The following MICAL3 variants were observed in gnomAD, a reference collection of about 807,000 sequenced individuals.
MICAL3 encodes microtubule associated monooxygenase, calponin and LIM domain containing 3.
In MICAL3, 62 loss-of-function variants were observed where a neutral mutation model predicts 207.4. That is an observed-to-expected ratio of 0.30 (90% confidence interval 0.24 to 0.37). The LOEUF is 0.37. Among genes scored for constraint, MICAL3 ranks in the 10% least tolerant of loss-of-function variants. MICAL3 has a pLI of 1.00. For missense variants in MICAL3, 2,368 were observed against 2,635.6 expected (o/e 0.90, Z 2.22); for synonymous variants, 1,077 against 1,069.3 (o/e 1.01, Z -0.14).
intron 16 of MICAL3, chr22:17,876,940 AGGTT>A: frequency 2.4e-5 from 3 of 125,926 alleles, no homozygotes; most frequent in African/African-American, 3.6e-5. Flanking sequence ...GAGGTTAGGG[AGGTT>A]ATGGAGGTTA....
At chr22:17,918,006 G>A (rs935971514) in intron 1 of MICAL3, among the ~76,000 whole-genome samples, 14 of 152,174 alleles carry the variant, frequency 9.2e-5, no homozygotes, top group Admixed American at 6.5e-5. Context: ...CCGCCCACCC[G>A]GATACACCTG....
chr22:17,975,264 G>A (rs1271836711), intron 1 of MICAL3, among the ~76,000 whole-genome samples: 1 of 152,098 alleles, frequency 6.6e-6, no homozygotes, highest in African/African-American at 2.4e-5. Flanking sequence ...GCTCTACTCA[G>A]AATGGGAACA....
chr22:17,982,645 T>C lies in MICAL3; in HGVS notation c.-75+41636A>G, dbSNP rs191327480. Among the ~76,000 whole-genome samples, 11 of 147,734 alleles carry C rather than the reference T, an allele frequency of 7.4e-5. No individual in the cohort carries two copies. The East Asian group carries it at 1.4e-3, about 19-fold the overall frequency. On this transcript the variant is annotated intron_variant, in intron 1 of 31. Coordinates refer to ENST00000441493, the MANE Select transcript of MICAL3 (RefSeq NM_015241.3). Reference sequence around the variant, plus strand: ...AAGATTGTACCACTGTACTCCAGCCTGGGCGACAGAGTAAGACTTCATCTC... The same window carrying C: ...AAGATTGTACCACTGTACTCCAGCCCGGGCGACAGAGTAAGACTTCATCTC...
intron 1 of MICAL3, among the ~76,000 whole-genome samples, chr22:17,933,571 C>T (rs1053721553): frequency 6.6e-6 from 1 of 151,970 alleles, no homozygotes; most frequent in Non-Finnish European, 1.5e-5. Flanking sequence ...ACTAGAGAAG[C>T]AAGAGCAAAC....
In MICAL3 at chr22:17,871,894, A is replaced by G. The variant is rs1313259341; in HGVS notation, c.2371T>C (p.Cys791Arg). The change falls in exon 17 of 32, where the codon TGC becomes CGC. Residue 791 changes from cysteine (C) to arginine (R), a missense_variant. By Grantham distance (180) the Cys-to-Arg change is radical. Coordinates refer to ENST00000441493, the MANE Select transcript of MICAL3 (RefSeq NM_015241.3). ...CGCAGGGTGGTGGCGCAGTACTCGC[A>G]CTTGAAGCAGCTCCGGTGGAAGAAC... Reference protein sequence around the residue: ...GKFFHRSCFKCEYCATTLRLS... With the variant: ...GKFFHRSCFKREYCATTLRLS... 2 of 1,611,654 alleles carry G rather than the reference A, an allele frequency of 1.2e-6. No individual in the cohort carries two copies. Among genetic ancestry groups the G allele is most frequent in the Non-Finnish European group, 1.7e-6 (2 of 1,179,046 alleles).
chr22:17,964,627 G>C (rs1436857256), intron 1 of MICAL3, among the ~76,000 whole-genome samples: 1 of 152,120 alleles, frequency 6.6e-6, no homozygotes, highest in Non-Finnish European at 1.5e-5. Context: ...CTCCACACTA[G>C]AACCCTCTGA....
At chr22:17,918,042 T>C (rs1423139764) in intron 1 of MICAL3, among the ~76,000 whole-genome samples, 2 of 152,336 alleles carry the variant, frequency 1.3e-5, no homozygotes, top group African/African-American at 4.8e-5. Flanking sequence ...CAATCAGGAA[T>C]TGGTAAACTG....
At chr22:17,930,872 T>A (rs1933216465) in intron 1 of MICAL3, among the ~76,000 whole-genome samples, 1 of 152,206 alleles carries the variant, frequency 6.6e-6, no homozygotes, top group South Asian at 2.1e-4. Flanking sequence ...TGCGGCCAGC[T>A]CCTCTTCCTC....
At chr22:17,840,673 G>A (rs1462326964) in intron 20 of MICAL3, 1 of 152,254 alleles carries the variant, frequency 6.6e-6, no homozygotes, top group African/African-American at 2.4e-5. Flanking sequence ...TTATAAATGT[G>A]TTTTGACACA....
intron 2 of MICAL3, among the ~76,000 whole-genome samples, 174 bp from the exon 3 acceptor site, chr22:17,905,013 G>A (rs550270633): frequency 1.3e-5 from 2 of 152,340 alleles, no homozygotes; most frequent in African/African-American, 4.8e-5. Flanking sequence ...CATGGCTTAA[G>A]AGAAGAGCTA....
intron 13 of MICAL3, 89 bp downstream of exon 13, chr22:17,888,945 A>G: frequency 1.2e-6 from 1 of 837,222 alleles, no homozygotes; most frequent in Non-Finnish European, 1.8e-6. Context: ...GTTTGGTGGC[A>G]CTGCTGCGGG....
intron 1 of MICAL3, among the ~76,000 whole-genome samples, chr22:17,973,785 G>A (rs540259390): frequency 1.8e-4 from 27 of 152,226 alleles, no homozygotes; most frequent in African/African-American, 6.0e-4. Flanking sequence ...GCCAGGCATG[G>A]TGGCACGCAC....
chr22:17,831,979 C>T lies in MICAL3; in HGVS notation c.2930G>A (p.Ser977Asn), dbSNP rs1442093113. 2 of 1,601,234 alleles carry T rather than the reference C, an allele frequency of 1.2e-6. No homozygotes were observed. Among genetic ancestry groups the T allele is most frequent in the South Asian group, 1.1e-5 (1 of 88,540 alleles). The change falls in exon 21 of 32, where the codon AGT becomes AAT. Residue 977 changes from serine (S) to asparagine (N), a missense_variant. This residue lies in a region of MICAL3 where 1,770 missense variants were observed against 1,863.2 expected (regional missense o/e 0.95). Coordinates refer to ENST00000441493, the MANE Select transcript of MICAL3 (RefSeq NM_015241.3). The part of the protein sequence containing the change: ...VRIHALLKGK[S>N]EEELEASKSF... ...CTTTGAGGCCTCTAGCTCCTCTTCACTTTTCCCTTTCAGAAGGGCATGGAT... is the reference window on the plus strand; with the variant it reads ...CTTTGAGGCCTCTAGCTCCTCTTCATTTTTCCCTTTCAGAAGGGCATGGAT...
intron 19 of MICAL3, among the ~76,000 whole-genome samples, chr22:17,845,051 T>C (rs749803765): frequency 1.1e-4 from 16 of 152,224 alleles, no homozygotes; most frequent in Non-Finnish European, 2.1e-4. Flanking sequence ...GCCATTTGAT[T>C]CTTTCCATCA....
chr22:17,792,168 G>A (rs915357967), intron 29 of MICAL3, among the ~76,000 whole-genome samples: 3 of 152,214 alleles, frequency 2.0e-5, no homozygotes, highest in Admixed American at 1.3e-4. Flanking sequence ...CCCAACGAGA[G>A]AACAAGGTCC....
intron 1 of MICAL3, among the ~76,000 whole-genome samples, chr22:17,924,443 A>T (rs1026784030): frequency 6.6e-6 from 1 of 152,240 alleles, no homozygotes; most frequent in African/African-American, 2.4e-5. Context: ...AATATTTGAT[A>T]TAGATACAGG....
chr22:17,994,297 C>G (rs577850422), intron 1 of MICAL3, among the ~76,000 whole-genome samples: 1 of 152,206 alleles, frequency 6.6e-6, no homozygotes, highest in Admixed American at 6.5e-5. Flanking sequence ...AGCTGCCATT[C>G]CCCTGGGGGC....
intron 1 of MICAL3, among the ~76,000 whole-genome samples, chr22:18,000,773 G>A (rs898931727): frequency 6.6e-6 from 1 of 152,202 alleles, no homozygotes. Context: ...CAAACGGAAA[G>A]GCGCGCCGGG....
At chr22:17,860,198 C>T in intron 19 of MICAL3, 1 of 979,210 alleles carries the variant, frequency 1.0e-6, no homozygotes, top group Non-Finnish European at 1.2e-6. Context: ...AAGAATGTAA[C>T]ATTTGTTAAA....
Sources: allele counts gnomAD v4.1 joint callset (sites outside exome capture counted in the v4.1 genomes callset), GRCh38; gene constraint gnomAD v4.1.1; regional missense constraint gnomAD v4.1.1; transcripts MANE v1.5; gene names NCBI Gene and HGNC (gene_info 2026-07-23, HGNC 2026-07-21).